ACTN4: variants seen among roughly 807,000 people sequenced by gnomAD.
The protein encoded by ACTN4 is alpha-actinin-4.
Under a neutral mutation model 114.2 loss-of-function variants are expected in ACTN4, and 18 were observed. The ratio of observed to expected loss-of-function variants is 0.16; its 90% CI spans 0.11 to 0.23. The LOEUF (loss-of-function observed/expected upper bound fraction) is 0.23. ACTN4 is among the 10% of genes least tolerant of loss of function. The probability of loss-of-function intolerance (pLI) is 1.00; values close to 1 mark genes in which losing one functional copy is unlikely to be tolerated. For synonymous variants in ACTN4, 515 were observed against 506.3 expected, an observed-to-expected ratio of 1.02 and a Z score of -0.23; for missense variants, 722 against 1,262.9, an observed-to-expected ratio of 0.57 and a Z score of 6.49.
In ACTN4 at chr19:38,717,536, C is replaced by T. The variant is rs149062436; in HGVS notation, c.1143+220C>T. 7.3e-4 allele frequency among the ~76,000 whole-genome samples: 111 copies of T among 152,262 alleles called. No individual in the cohort carries two copies. The highest frequency in any genetic ancestry group is 2.5e-3 in the African/African-American group (103 of 41,538). Reference sequence around the variant, plus strand: ...TGTATTTTACACCCAGGGTTTTATACGCATCCCAAATCCTTGCCACGGGTT... The same window carrying T: ...TGTATTTTACACCCAGGGTTTTATATGCATCCCAAATCCTTGCCACGGGTT... On this transcript the variant is annotated intron_variant, in intron 10 of 20. Coordinates refer to ENST00000252699, the MANE Select transcript of ACTN4 (RefSeq NM_004924.6). The surrounding 1 kb of genome is among the most constrained non-coding windows in gnomAD (Gnocchi z 4.0).
At chr19:38,721,353 A>G (rs1311395884) in intron 11 of ACTN4, among the ~76,000 whole-genome samples, 185 bp from the exon 12 acceptor site, 1 of 152,206 alleles carries the variant, frequency 6.6e-6, no homozygotes, top group Non-Finnish European at 1.5e-5. Flanking sequence ...TCCAGGTTAC[A>G]GTTGGGCTTA....
chr19:38,728,410 G>A, intron 19 of ACTN4: 2 of 771,548 alleles, frequency 2.6e-6, no homozygotes, highest in Non-Finnish European at 3.6e-6. Context: ...CCAGCCACCC[G>A]CTCCTCCTCC....
chr19:38,712,112 C>T (rs1045756631), intron 8 of ACTN4, among the ~76,000 whole-genome samples: 18 of 152,358 alleles, frequency 1.2e-4, no homozygotes, highest in Admixed American at 5.9e-4. Flanking sequence ...ACACGCTAGG[C>T]ACCCTCCAAG....
chr19:38,661,806 C>T (rs1976895162), intron 1 of ACTN4, among the ~76,000 whole-genome samples: 4 of 152,198 alleles, frequency 2.6e-5, no homozygotes, highest in Admixed American at 6.5e-5. Flanking sequence ...GCGCCCGCCA[C>T]CATGCCCGGC....
intron 1 of ACTN4, chr19:38,648,253 C>T (rs1403532904): frequency 4.8e-6 from 1 of 209,480 alleles, no homozygotes; most frequent in Admixed American, 6.0e-5. Context: ...CCGAGGCGGG[C>T]TTGAAGGGTC....
At chr19:38,705,898 A>C in intron 4 of ACTN4, 146 bp from the exon 5 acceptor site, 1 of 756,284 alleles carries the variant, frequency 1.3e-6, no homozygotes, top group Non-Finnish European at 2.3e-6. Flanking sequence ...TCCCGCTGCT[A>C]TCACTGCTGC....
At chr19:38,654,155 T>G (rs1976644985) in intron 1 of ACTN4, among the ~76,000 whole-genome samples, 1 of 152,224 alleles carries the variant, frequency 6.6e-6, no homozygotes, top group Non-Finnish European at 1.5e-5. Flanking sequence ...AGTGTAACTT[T>G]CAATGAATCA....
chr19:38,647,996 T>C, intron 1 of ACTN4, 89 bp downstream of exon 1: 1 of 1,348,304 alleles, frequency 7.4e-7, no homozygotes, highest in Non-Finnish European at 9.6e-7. Flanking sequence ...AACTGGAGCG[T>C]CTGTGATGGG....
Position 38,724,517 on chromosome 19 carries a change from C to A in ACTN4, c.1962C>A (p.Phe654Leu), listed in dbSNP as rs752487743. 22 of 1,613,256 alleles carry A rather than the reference C, an allele frequency of 1.4e-5. No individual in the cohort carries two copies. Among genetic ancestry groups the A allele is most frequent in the Non-Finnish European group, 1.7e-5 (20 of 1,179,972 alleles). The change falls in exon 16 of 21, where the codon TTC becomes TTA. Residue 654 changes from phenylalanine to leucine, a missense_variant. Transcript: ENST00000252699. The surrounding 1 kb of genome is among the most constrained non-coding windows in gnomAD (Gnocchi z 7.0). The part of the protein sequence containing the change: ...QQSNEHLRRQ[F>L]ASQANVVGPW... ...CCAACGAGCACCTGCGCCGCCAGTT[C>A]GCCAGCCAGGCCAATGTTGTGGGGC...
chr19:38,672,205 T>C (rs1014331014), intron 1 of ACTN4, among the ~76,000 whole-genome samples: 5 of 150,712 alleles, frequency 3.3e-5, no homozygotes, highest in Non-Finnish European at 7.4e-5. Context: ...GCCAGACGTA[T>C]GGCCCACACA....
At chr19:38,720,129 C>T (rs973379068) in intron 11 of ACTN4, among the ~76,000 whole-genome samples, 6 of 152,242 alleles carry the variant, frequency 3.9e-5, no homozygotes, top group Non-Finnish European at 5.9e-5. Flanking sequence ...CTGGTCGTAG[C>T]GGCCTCCTCC....
intron 1 of ACTN4, among the ~76,000 whole-genome samples, chr19:38,661,799 C>G (rs1037269959): frequency 1.3e-5 from 2 of 152,164 alleles, no homozygotes; most frequent in Non-Finnish European, 2.9e-5. Context: ...ACTACAGGCG[C>G]CCGCCACCAT....
chr19:38,705,060 CAG>C, intron 4 of ACTN4, 40 bp downstream of exon 4: 1 of 1,570,568 alleles, frequency 6.4e-7, no homozygotes, highest in Non-Finnish European at 8.8e-7. Context: ...CCACCTGAGT[CAG>C]GGCGGGTTAG....
At chr19:38,654,126 G>C (rs1239986633) in intron 1 of ACTN4, among the ~76,000 whole-genome samples, 3 of 152,130 alleles carry the variant, frequency 2.0e-5, no homozygotes, top group Admixed American at 1.3e-4. Context: ...CATTTTACTC[G>C]GTATCCCAGG....
At chr19:38,682,700 T>C (rs1006527109) in intron 1 of ACTN4, among the ~76,000 whole-genome samples, 1 of 152,164 alleles carries the variant, frequency 6.6e-6, no homozygotes, top group Non-Finnish European at 1.5e-5. Flanking sequence ...AGGCTTCCTC[T>C]TCTTAGGATG....
intron 1 of ACTN4, among the ~76,000 whole-genome samples, chr19:38,699,317 CTTCGG>C (rs1454758739): frequency 1.3e-5 from 2 of 152,316 alleles, no homozygotes; most frequent in Admixed American, 1.3e-4. Flanking sequence ...GGGTCAGGGA[CTTCGG>C]CTTCTTGTTT....
rs1969550243 is a variant in ACTN4, at chr19:38,731,036, G to A, written c.*1604G>A. On this transcript the variant is annotated 3_prime_UTR_variant, in exon 21 of 21. Coordinates refer to ENST00000252699, the MANE Select transcript of ACTN4 (RefSeq NM_004924.6). ...TGGCTGCAGTGGCCTGTGCAGAGAG[G>A]GGCAGGGTGAGTGCCCACCAGTCCC... 1.1e-5 allele frequency: 17 copies of A among 1,556,514 alleles called. No individual in the cohort carries two copies. Among genetic ancestry groups the A allele is most frequent in the Non-Finnish European group, 1.4e-5 (16 of 1,150,642 alleles).
In ACTN4 at chr19:38,730,910, G is replaced by T; in HGVS notation, c.*1478G>T. 6.4e-7 allele frequency: 1 copy of T among 1,550,728 alleles called. No individual in the cohort carries two copies. The highest frequency in any genetic ancestry group is 2.4e-5 in the East Asian group (1 of 40,964). On this transcript the variant is annotated 3_prime_UTR_variant, in exon 21 of 21. Transcript: ENST00000252699. Reference sequence around the variant, plus strand: ...AAGAGAAGGAAGACAGTGGCTTGAGGCAGGGAGCTCGCAGGACAGAGCCTG... The same window carrying T: ...AAGAGAAGGAAGACAGTGGCTTGAGTCAGGGAGCTCGCAGGACAGAGCCTG...
chr19:38,695,848 C>T (rs758270688), intron 1 of ACTN4, among the ~76,000 whole-genome samples: 6 of 152,130 alleles, frequency 3.9e-5, no homozygotes, highest in South Asian at 2.1e-4. Context: ...CCCCCCACCC[C>T]GCCACCATGC....
Sources: gnomAD v4.1 joint callset for allele counts (sites outside exome capture counted in the v4.1 genomes callset) on GRCh38, gnomAD v4.1.1 for gene constraint, Gnocchi (gnomAD v3.1) non-coding constraint, MANE v1.5 for transcripts, NCBI Gene and HGNC (gene_info 2026-07-23, HGNC 2026-07-21) for gene names.